VTI1A: variants seen among roughly 807,000 people sequenced by gnomAD.
VTI1A encodes vesicle transport through interaction with t-SNAREs 1A, also known as vesicle transport through interaction with t-SNAREs homolog 1A.
In VTI1A, 22 loss-of-function variants were observed where a neutral mutation model predicts 34.9. The ratio of observed to expected loss-of-function variants is 0.63; its 90% CI spans 0.45 to 0.90. The LOEUF is 0.90. Ranked by LOEUF, VTI1A falls within the 40% of genes least tolerant of loss-of-function variation. The probability of loss-of-function intolerance (pLI) is 0.00; values close to 1 mark genes in which losing one functional copy is unlikely to be tolerated. For missense variants in VTI1A, 268 were observed against 275.6 expected (o/e 0.97, Z 0.20); for synonymous variants, 87 against 97.3 (o/e 0.89, Z 0.62).
intron 5 of VTI1A, among the ~76,000 whole-genome samples, chr10:112,565,512 A>C (rs1345442109): frequency 6.6e-6 from 1 of 152,200 alleles, no homozygotes; most frequent in Non-Finnish European, 1.5e-5. Context: ...GTCATGATGC[A>C]ATAGAAGCTA....
intron 1 of VTI1A, among the ~76,000 whole-genome samples, chr10:112,460,064 G>A (rs1847681619): frequency 6.6e-6 from 1 of 152,164 alleles, no homozygotes; most frequent in African/African-American, 2.4e-5. Flanking sequence ...CATTACACCT[G>A]ATTCTCCATG....
intron 5 of VTI1A, among the ~76,000 whole-genome samples, chr10:112,640,114 T>C (rs1846511074): frequency 6.6e-6 from 1 of 152,182 alleles, no homozygotes; most frequent in Admixed American, 6.5e-5. Context: ...TCATGGAATA[T>C]GAGAATATCT....
intron 3 of VTI1A, among the ~76,000 whole-genome samples, chr10:112,491,773 AT>A (rs1426279093): frequency 1.3e-5 from 2 of 152,224 alleles, no homozygotes; most frequent in African/African-American, 4.8e-5. Context: ...CAGTCATCAC[AT>A]GTGGATGGTA....
chr10:112,717,732 A>G (rs1399632614), intron 7 of VTI1A, among the ~76,000 whole-genome samples: 1 of 152,076 alleles, frequency 6.6e-6, no homozygotes, highest in Non-Finnish European at 1.5e-5. Flanking sequence ...GCCTCATTCT[A>G]CTCAGCAAGA....
intron 5 of VTI1A, among the ~76,000 whole-genome samples, chr10:112,604,445 C>G (rs1844996366): frequency 6.6e-6 from 1 of 152,204 alleles, no homozygotes; most frequent in Admixed American, 6.5e-5. Context: ...CTCCACCTTT[C>G]TCTCCATTTT....
chr10:112,752,468 C>G, intron 7 of VTI1A: 1 of 985,438 alleles, frequency 1.0e-6, no homozygotes, highest in Non-Finnish European at 1.2e-6. Flanking sequence ...AGATTTCACC[C>G]ACTGCATTTC....
At chr10:112,855,187 T>A in the VTI1A span, among the ~76,000 whole-genome samples, 1 of 152,122 alleles carries the variant, frequency 6.6e-6, no homozygotes, top group African/African-American at 2.4e-5. Flanking sequence ...ACTTCCTATT[T>A]TGTCACTCTC....
In VTI1A at chr10:112,611,737, A is replaced by ATTTTTTTTT. The variant is rs3057346; in HGVS notation, c.428-56467_428-56459dup. On this transcript the variant is annotated intron_variant, in intron 5 of 7. Coordinates refer to ENST00000393077, the MANE Select transcript of VTI1A (RefSeq NM_145206.4). ...TAAAGCCCATTTGGTGAGAAAGGTA[A>ATTTTTTTTT]TTTTTTTTTTTTTTTTTTTTTTGTG... 2.0e-3 allele frequency among the ~76,000 whole-genome samples: 202 copies of ATTTTTTTTT among 100,778 alleles called. 14 individuals are homozygous for ATTTTTTTTT. Among genetic ancestry groups the ATTTTTTTTT allele is most frequent in the African/African-American group, 6.4e-3 (142 of 22,346 alleles). The allele number at this position is 100,778 out of a possible 152,430, so 66.1% of individuals were successfully genotyped here.
At chr10:112,531,594 C>G (rs1183693712) in intron 4 of VTI1A, among the ~76,000 whole-genome samples, 1 of 152,012 alleles carries the variant, frequency 6.6e-6, no homozygotes, top group Admixed American at 6.5e-5. Flanking sequence ...CAAGATAGAA[C>G]GTTTTTTGTT....
chr10:112,577,662 A>G (rs958776646), intron 5 of VTI1A, among the ~76,000 whole-genome samples: 16 of 152,276 alleles, frequency 1.1e-4, no homozygotes, highest in Non-Finnish European at 2.1e-4. Flanking sequence ...CATATGAATG[A>G]CAGGGTGATA....
chr10:112,801,785 C>T (rs1203909947), intron 7 of VTI1A, among the ~76,000 whole-genome samples: 1 of 152,218 alleles, frequency 6.6e-6, no homozygotes, highest in Non-Finnish European at 1.5e-5. Flanking sequence ...AATTGAGCCC[C>T]TTAAAAGGCT....
intron 7 of VTI1A, among the ~76,000 whole-genome samples, chr10:112,706,720 A>G (rs987545415): frequency 5.3e-5 from 8 of 152,156 alleles, no homozygotes; most frequent in Non-Finnish European, 1.2e-4. Flanking sequence ...CATGCACTCA[A>G]GAAACCTGCA....
At chr10:112,668,394 G>T in intron 6 of VTI1A, 106 bp downstream of exon 6, 3 of 1,196,170 alleles carry the variant, frequency 2.5e-6, no homozygotes, top group East Asian at 2.6e-5. Flanking sequence ...TGTGTGTAAG[G>T]TGAAAGAGGG....
At chr10:112,737,093 A>T in intron 7 of VTI1A, 1 of 341,416 alleles carries the variant, frequency 2.9e-6, no homozygotes, top group Non-Finnish European at 5.4e-6. Context: ...TTTTTTTGAG[A>T]CAGAGTCTTG....
intron 5 of VTI1A, among the ~76,000 whole-genome samples, chr10:112,649,639 A>C (rs1303099628): frequency 6.6e-6 from 1 of 152,154 alleles, no homozygotes; most frequent in East Asian, 1.9e-4. Flanking sequence ...AATGATGGGG[A>C]TGCATTCCGA....
chr10:112,618,925 G>T (rs59823006), intron 5 of VTI1A, among the ~76,000 whole-genome samples: 15,604 of 152,098 alleles, frequency 0.1, 895 homozygotes, highest in Middle Eastern at 0.15. Context: ...TTACAGAAGT[G>T]AGTTTTGTTC....
chr10:112,643,853 A>G (rs1846673877), intron 5 of VTI1A, among the ~76,000 whole-genome samples: 1 of 152,226 alleles, frequency 6.6e-6, no homozygotes. Context: ...AGAAAGGCAT[A>G]TATGTAATTT....
At chr10:112,751,475 TAAAAAAAAA>T (rs11411829) in intron 7 of VTI1A, among the ~76,000 whole-genome samples, 1 of 100,994 alleles carries the variant, frequency 9.9e-6, no homozygotes, top group Non-Finnish European at 2.0e-5. Flanking sequence ...ATTAACTGTT[TAAAAAAAAA>T]AAAAAAAAAA....
intron 3 of VTI1A, among the ~76,000 whole-genome samples, chr10:112,496,742 C>A (rs958274747): frequency 1.3e-5 from 2 of 152,112 alleles, no homozygotes; most frequent in African/African-American, 4.8e-5. Context: ...TCAGTGTGAA[C>A]CTGATATGCT....
Sources: allele counts gnomAD v4.1 joint callset (sites outside exome capture counted in the v4.1 genomes callset), GRCh38; gene constraint gnomAD v4.1.1; transcripts MANE v1.5; gene names NCBI Gene and HGNC (gene_info 2026-07-23, HGNC 2026-07-21).